PKIG: variants seen among roughly 807,000 people sequenced by gnomAD.
PKIG encodes cAMP-dependent protein kinase inhibitor gamma.
In PKIG, 1 loss-of-function variant was observed where a neutral mutation model predicts 6.8. That is an observed-to-expected ratio of 0.15 (90% CI 0.05 to 0.69). The LOEUF is 0.69. Among genes scored for constraint, PKIG ranks in the 30% least tolerant of loss-of-function variants. The pLI is 0.82. For missense variants in PKIG, 77 were observed against 104.0 expected (o/e 0.74, Z 1.13); for synonymous variants, 39 against 43.0 (o/e 0.91, Z 0.36).
At chr20:44,603,650 G>A (rs973585401) in intron 2 of PKIG, among the ~76,000 whole-genome samples, 2 of 152,176 alleles carry the variant, frequency 1.3e-5, no homozygotes, top group African/African-American at 4.8e-5. Flanking sequence ...CTCCGTTTCC[G>A]CAGCTGTTGA....
chr20:44,606,630 G>A (rs1323056567), intron 2 of PKIG, among the ~76,000 whole-genome samples: 3 of 152,158 alleles, frequency 2.0e-5, no homozygotes, highest in Non-Finnish European at 2.9e-5. Flanking sequence ...CCAACATGGT[G>A]AAACCTCATC....
At chr20:44,560,825 T>C (rs2064760462) in intron 1 of PKIG, among the ~76,000 whole-genome samples, 1 of 152,198 alleles carries the variant, frequency 6.6e-6, no homozygotes, top group African/African-American at 2.4e-5. Context: ...GAGGAAGATG[T>C]TATCATCCCG....
intron 1 of PKIG, among the ~76,000 whole-genome samples, chr20:44,560,249 C>CTAAATAAA (rs56359005): frequency 0.013 from 1,934 of 149,258 alleles, 17 homozygotes; most frequent in Admixed American, 0.02. Context: ...GACCTTGTCT[C>CTAAATAAA]TAAATAAATA....
chr20:44,588,872 G>A (rs928344404), intron 1 of PKIG, among the ~76,000 whole-genome samples: 6 of 152,166 alleles, frequency 3.9e-5, no homozygotes, highest in Admixed American at 2.0e-4. Flanking sequence ...ATGTTAGCTA[G>A]ATATAGAATT....
intron 1 of PKIG, among the ~76,000 whole-genome samples, chr20:44,586,564 A>G (rs1359803957): frequency 6.6e-6 from 1 of 152,202 alleles, no homozygotes; most frequent in African/African-American, 2.4e-5. Context: ...TAGCCCAGCC[A>G]CTTAAGGAAG....
At chr20:44,615,294 A>G (rs187266437) in intron 3 of PKIG, among the ~76,000 whole-genome samples, 2 of 152,258 alleles carry the variant, frequency 1.3e-5, no homozygotes, top group African/African-American at 4.8e-5. Context: ...TCTGTTTCTC[A>G]GTCAAGCCTC....
chr20:44,564,580 T>C (rs913544957), intron 1 of PKIG, among the ~76,000 whole-genome samples: 3 of 152,190 alleles, frequency 2.0e-5, no homozygotes, highest in African/African-American at 7.2e-5. Flanking sequence ...TTGTTATTAT[T>C]ATTTTTTTTA....
intron 1 of PKIG, among the ~76,000 whole-genome samples, chr20:44,584,008 C>T (rs1336333965): frequency 6.6e-6 from 1 of 152,094 alleles, no homozygotes; most frequent in Non-Finnish European, 1.5e-5. Context: ...CACACGCATA[C>T]ACTAGCACAT....
Position 44,614,547 on chromosome 20 carries a change from T to C in PKIG, c.-10T>C. 1.2e-6 allele frequency: 2 copies of C among 1,613,660 alleles called. No homozygotes were observed. The highest frequency in any genetic ancestry group is 1.7e-6 in the Non-Finnish European group (2 of 1,179,756). ...CTGTCCCCACAGGCCTGAGGAGCGA[T>C]GCGACAGGCATGATGGAGGTCGAGT... On this transcript the variant is annotated 5_prime_UTR_variant, in exon 3 of 4. The change abolishes an upstream ATG in the 5' untranslated region. Transcript: ENST00000372886. This position sits in a 1 kb window ranked among gnomAD's most constrained non-coding sequence, Gnocchi z 4.6.
intron 2 of PKIG, among the ~76,000 whole-genome samples, chr20:44,610,652 T>C (rs973595467): frequency 1.3e-5 from 2 of 152,122 alleles, no homozygotes; most frequent in Non-Finnish European, 2.9e-5. Flanking sequence ...ATTGAAAAAA[T>C]ATAGACTTAG....
chr20:44,578,612 G>A (rs1437334643), upstream of PKIG, among the ~76,000 whole-genome samples: 1 of 152,080 alleles, frequency 6.6e-6, no homozygotes, highest in East Asian at 1.9e-4. Context: ...CCTCTACCAT[G>A]TCTAAAAGCT....
chr20:44,566,970 T>C (rs1300838476), intron 1 of PKIG, among the ~76,000 whole-genome samples: 1 of 152,232 alleles, frequency 6.6e-6, no homozygotes, highest in African/African-American at 2.4e-5. Flanking sequence ...ATCCAAGATC[T>C]GTTTCATTTC....
intron 1 of PKIG, among the ~76,000 whole-genome samples, chr20:44,568,251 T>C (rs999840221): frequency 6.6e-6 from 1 of 152,234 alleles, no homozygotes; most frequent in Non-Finnish European, 1.5e-5. Flanking sequence ...TAAAAATAAC[T>C]TTTCGTATTT....
chr20:44,608,814 A>AAAAT (rs1568834344), intron 2 of PKIG, among the ~76,000 whole-genome samples: 1 of 150,064 alleles, frequency 6.7e-6, no homozygotes, highest in Non-Finnish European at 1.5e-5. Context: ...AAAAAAAAAA[A>AAAAT]AATACTATGA....
At chr20:44,557,207 A>G (rs913575277) in intron 1 of PKIG, among the ~76,000 whole-genome samples, 3 of 152,174 alleles carry the variant, frequency 2.0e-5, no homozygotes, top group Non-Finnish European at 4.4e-5. Context: ...AAAAAAAACT[A>G]TACCCTTATT....
At chr20:44,604,000 T>G (rs557598490) in intron 2 of PKIG, among the ~76,000 whole-genome samples, 1 of 143,330 alleles carries the variant, frequency 7.0e-6, no homozygotes, top group Non-Finnish European at 1.5e-5. Flanking sequence ...CCTCTTGAAG[T>G]AGAGGACAGA....
chr20:44,540,568 T>G (rs1266766591), intron 1 of PKIG, among the ~76,000 whole-genome samples: 2 of 151,966 alleles, frequency 1.3e-5, no homozygotes, highest in Non-Finnish European at 2.9e-5. Flanking sequence ...GTTTTGTTTT[T>G]TTTTGTTTTT....
chr20:44,612,463 T>C (rs1301565390), intron 2 of PKIG, among the ~76,000 whole-genome samples: 1 of 152,154 alleles, frequency 6.6e-6, no homozygotes, highest in Non-Finnish European at 1.5e-5. Context: ...TCCCACTTAC[T>C]AATTCAGGTC....
intron 1 of PKIG, among the ~76,000 whole-genome samples, chr20:44,535,554 T>G (rs924868832): frequency 6.6e-6 from 1 of 152,136 alleles, no homozygotes; most frequent in Non-Finnish European, 1.5e-5. Context: ...GGCAGGAGAT[T>G]CTCTTCAACC....
Sources: gnomAD v4.1 joint callset for allele counts (sites outside exome capture counted in the v4.1 genomes callset) on GRCh38, gnomAD v4.1.1 for gene constraint, Gnocchi (gnomAD v3.1) non-coding constraint, MANE v1.5 for transcripts, NCBI Gene and HGNC (gene_info 2026-07-23, HGNC 2026-07-21) for gene names.